PTPRN2: variants seen among roughly 807,000 people sequenced by gnomAD.
The protein encoded by PTPRN2 is receptor-type tyrosine-protein phosphatase N2.
In PTPRN2, 74 loss-of-function variants were observed where a neutral mutation model predicts 118.8. The ratio of observed to expected loss-of-function variants is 0.62; its 90% confidence interval spans 0.52 to 0.76. The LOEUF (loss-of-function observed/expected upper bound fraction) is 0.76, where lower values mean the gene tolerates loss of function less well. PTPRN2 is among the 30% of genes least tolerant of loss of function. PTPRN2 has a pLI of 0.00. For missense variants in PTPRN2, 1,481 were observed against 1,394.4 expected, an observed-to-expected ratio of 1.06 and a Z score of -0.99; for synonymous variants, 641 against 608.0, an observed-to-expected ratio of 1.05 and a Z score of -0.80.
At chr7:157,908,846 A>T (rs902399480) in intron 11 of PTPRN2, among the ~76,000 whole-genome samples, 4 of 152,000 alleles carry the variant, frequency 2.6e-5, no homozygotes, top group Non-Finnish European at 5.9e-5. Flanking sequence ...AATCTTTTTG[A>T]AGAAAAATAG....
chr7:157,585,550 C>T lies in PTPRN2; in HGVS notation c.2497-7410G>A, dbSNP rs1464953404. ...GGTGCCTTTGTGATCAGGCATTGGA[C>T]CCGCACAGGAAGTCACCTGGCACAG... On this transcript the variant is annotated intron_variant, in intron 17 of 22. Coordinates refer to ENST00000389418, the MANE Select transcript of PTPRN2 (RefSeq NM_002847.5). The surrounding 1 kb of genome is among the most constrained non-coding windows in gnomAD (Gnocchi z 5.2). 6.6e-6 allele frequency among the ~76,000 whole-genome samples: 1 copy of T among 152,174 alleles called. No homozygotes were observed. Among genetic ancestry groups the T allele is most frequent in the Non-Finnish European group, 1.5e-5 (1 of 68,036 alleles).
At chr7:158,310,734 C>T (rs967575699) in intron 3 of PTPRN2, among the ~76,000 whole-genome samples, 8 of 145,558 alleles carry the variant, frequency 5.5e-5, no homozygotes, top group African/African-American at 1.8e-4. Context: ...GCAAGTCCCA[C>T]GGAGGGCAAG....
At chr7:158,002,297 G>A (rs533456203) in intron 11 of PTPRN2, among the ~76,000 whole-genome samples, 1 of 152,310 alleles carries the variant, frequency 6.6e-6, no homozygotes, top group South Asian at 2.1e-4. Flanking sequence ...ATTAAGAGTT[G>A]GTTCTACGGA....
Position 157,627,241 on chromosome 7 carries a change from C to T in PTPRN2, c.2197-5732G>A, listed in dbSNP as rs1238500105. The stretch of plus-strand genomic sequence containing the variant: ...AGGGACCCCTTCTCACACCGTGTCC[C>T]ACTTCACACAGCTCCTTGCTCTGGG... On this transcript the variant is annotated intron_variant, in intron 14 of 22. Transcript: ENST00000389418. The surrounding 1 kb of genome is among the most constrained non-coding windows in gnomAD (Gnocchi z 4.2). Among the ~76,000 whole-genome samples, 1 of 152,188 alleles carries T rather than the reference C, an allele frequency of 6.6e-6. No individual in the cohort carries two copies. Among genetic ancestry groups the T allele is most frequent in the Non-Finnish European group, 1.5e-5 (1 of 68,034 alleles).
intron 1 of PTPRN2, among the ~76,000 whole-genome samples, chr7:158,515,589 A>G (rs1400851949): frequency 6.6e-6 from 1 of 152,118 alleles, no homozygotes; most frequent in Non-Finnish European, 1.5e-5. Context: ...ACTGCTCCCA[A>G]TGGGAGGCGA....
intron 2 of PTPRN2, among the ~76,000 whole-genome samples, chr7:158,482,219 C>T (rs1026097644): frequency 7.9e-5 from 12 of 152,232 alleles, no homozygotes; most frequent in African/African-American, 2.9e-4. Context: ...CAGAATATCA[C>T]ATCAACTTAT....
intron 11 of PTPRN2, among the ~76,000 whole-genome samples, chr7:157,922,661 C>T (rs1471354143): frequency 6.6e-6 from 1 of 152,174 alleles, no homozygotes; most frequent in Non-Finnish European, 1.5e-5. Flanking sequence ...GGAAAAAGGG[C>T]ATCTGCAGTA....
At chr7:158,198,544 A>G (rs555960599) in intron 4 of PTPRN2, among the ~76,000 whole-genome samples, 3 of 152,238 alleles carry the variant, frequency 2.0e-5, no homozygotes, top group Non-Finnish European at 4.4e-5. Flanking sequence ...GGCCACCTGA[A>G]GTTCTCTGTG....
rs143750961 is a variant in PTPRN2 at position 157,861,732 on chromosome 7, G to A, written c.1788+36941C>T. Among the ~76,000 whole-genome samples the A allele has an allele frequency of 3.9e-5, 6 of 152,350 alleles. No homozygotes were observed. Among genetic ancestry groups the A allele is most frequent in the South Asian group, 2.1e-4 (1 of 4,832 alleles). On this transcript the variant is annotated intron_variant, in intron 12 of 22. Transcript: ENST00000389418. This position sits in a 1 kb window ranked among gnomAD's most constrained non-coding sequence, Gnocchi z 5.8. Reference sequence around the variant, plus strand: ...ACCCTTCCTGACTCCCAGCCTCTGCGTTGCCAGCAGCCCTCGGCCCACAGA... The same window carrying A: ...ACCCTTCCTGACTCCCAGCCTCTGCATTGCCAGCAGCCCTCGGCCCACAGA...
intron 21 of PTPRN2, among the ~76,000 whole-genome samples, chr7:157,556,317 A>C (rs1041853119): frequency 7.3e-6 from 1 of 136,422 alleles, no homozygotes; most frequent in African/African-American, 2.8e-5. Flanking sequence ...CAAACAACAC[A>C]CACACCCACA....
chr7:157,799,977 T>TC (rs1307796681), intron 12 of PTPRN2, among the ~76,000 whole-genome samples: 1 of 60,378 alleles, frequency 1.7e-5, no homozygotes, highest in Non-Finnish European at 3.4e-5. Context: ...CCCTCAGAGG[T>TC]ACCACAGCCG....
chr7:158,268,606 AGG>A (rs147901447), intron 3 of PTPRN2, among the ~76,000 whole-genome samples: 1 of 134,438 alleles, frequency 7.4e-6, no homozygotes. Flanking sequence ...TCCCAGCCGC[AGG>A]CACACAGGGC....
chr7:158,336,654 A>C (rs1805606766), intron 2 of PTPRN2, among the ~76,000 whole-genome samples: 1 of 134,492 alleles, frequency 7.4e-6, no homozygotes. Flanking sequence ...CCCACACGTC[A>C]CTCACACCCA....
At chr7:158,421,642 T>C (rs1424525867) in intron 2 of PTPRN2, among the ~76,000 whole-genome samples, 1 of 152,190 alleles carries the variant, frequency 6.6e-6, no homozygotes, top group African/African-American at 2.4e-5. Flanking sequence ...CATGTTTGAT[T>C]TGAAACACAA....
At position 157,729,336 on chromosome 7, in the gene PTPRN2, C is replaced by T. The variant is rs947985979; in HGVS notation, c.1789-46399G>A. On this transcript the variant is annotated intron_variant, in intron 12 of 22. Coordinates refer to ENST00000389418, the MANE Select transcript of PTPRN2 (RefSeq NM_002847.5). The surrounding 1 kb of genome is among the most constrained non-coding windows in gnomAD (Gnocchi z 4.3). ...TTGAGCACAGTGGCTGGAGTCTGTG[C>T]GGTGGCTGGAACCCTGGGCTCTGGA... Among the ~76,000 whole-genome samples the T allele has an allele frequency of 3.3e-5, 5 of 152,256 alleles. No individual in the cohort carries two copies. The highest frequency in any genetic ancestry group is 1.9e-4 in the East Asian group (1 of 5,176).
At chr7:157,686,019 G>GCCGCGGGA (rs1230662355) in intron 12 of PTPRN2, among the ~76,000 whole-genome samples, 1 of 152,246 alleles carries the variant, frequency 6.6e-6, no homozygotes, top group Non-Finnish European at 1.5e-5. Context: ...ACCGCGCGGG[G>GCCGCGGGA]CCGCGGGACC....
chr7:158,254,923 G>C (rs1169066868), intron 3 of PTPRN2, among the ~76,000 whole-genome samples: 2 of 152,264 alleles, frequency 1.3e-5, no homozygotes, highest in Non-Finnish European at 2.9e-5. Context: ...TAAATGCGAA[G>C]CATGGTGTTA....
At position 158,061,425 on chromosome 7, in the gene PTPRN2, T is replaced by C. The variant is rs138489002; in HGVS notation, c.1723+19873A>G. 5.3e-3 allele frequency among the ~76,000 whole-genome samples: 800 copies of C among 152,338 alleles called. 5 individuals are homozygous for C. The highest frequency in any genetic ancestry group is 0.018 in the African/African-American group (743 of 41,582). On this transcript the variant is annotated intron_variant, in intron 11 of 22. Transcript: ENST00000389418. ...AATCTCTCCCATCCACCTGCCGCTG[T>C]GGCTCAGACCCCAGGCACAACACAA... is the stretch of plus-strand genomic sequence containing the variant.
At chr7:158,318,158 C>G (rs1030113044) in intron 2 of PTPRN2, among the ~76,000 whole-genome samples, 1 of 152,182 alleles carries the variant, frequency 6.6e-6, no homozygotes, top group Non-Finnish European at 1.5e-5. Context: ...GCGCCCCCCA[C>G]CGTCCGTGAT....
Sources: allele counts gnomAD v4.1 joint callset (sites outside exome capture counted in the v4.1 genomes callset), GRCh38; gene constraint gnomAD v4.1.1; non-coding constraint Gnocchi (gnomAD v3.1); transcripts MANE v1.5; gene names NCBI Gene and HGNC (gene_info 2026-07-23, HGNC 2026-07-21).